The following PPME1 variants were observed in gnomAD, a reference collection of about 807,000 sequenced individuals.
PPME1 encodes the protein testicular secretory protein Li 39.
In PPME1, 17 loss-of-function variants were observed where a neutral mutation model predicts 56.9. That is an observed-to-expected ratio of 0.30 (90% CI 0.20 to 0.45). The LOEUF (loss-of-function observed/expected upper bound fraction) is 0.45, where lower values mean the gene tolerates loss of function less well. PPME1 is among the 20% of genes least tolerant of loss of function. The pLI is 1.00. For synonymous variants in PPME1, 122 were observed against 156.2 expected (o/e 0.78, Z 1.63); for missense variants, 357 against 483.2 (o/e 0.74, Z 2.45).
rs1284228092 is a variant in PPME1 at position 74,230,540 on chromosome 11, T to C, written c.553+141T>C. 6 of 1,056,556 alleles carry C rather than the reference T, an allele frequency of 5.7e-6. No individual in the cohort carries two copies. In the East Asian group the frequency reaches 1.3e-4, roughly 22 times the overall value. The allele number at this position is 1,056,556 out of a possible 1,614,324, so 65.4% of individuals were successfully genotyped here. A position where few individuals can be genotyped will look rare whatever the true frequency, so the allele number is the denominator to read the frequency against. On this transcript the variant is annotated intron_variant, in intron 6 of 13. Transcript: ENST00000328257. The surrounding 1 kb of genome is among the most constrained non-coding windows in gnomAD (Gnocchi z 4.9). ...TGTCTTTATATCTTTTTTAAGTTTA[T>C]ACAAGATAACCATTTTTCCATGTCA...
intron 1 of PPME1, among the ~76,000 whole-genome samples, chr11:74,190,526 A>G (rs1189876880): frequency 1.9e-4 from 29 of 152,254 alleles, no homozygotes. Flanking sequence ...TACAGCCTGC[A>G]GAACTCCAAG....
intron 1 of PPME1, among the ~76,000 whole-genome samples, chr11:74,194,804 C>G (rs996074316): frequency 2.6e-4 from 40 of 152,052 alleles, no homozygotes; most frequent in Non-Finnish European, 7.4e-5. Context: ...ATTAATGTCC[C>G]TTTCTCATGA....
chr11:74,190,098 CA>C (rs1008618696), intron 1 of PPME1, among the ~76,000 whole-genome samples: 1 of 152,188 alleles, frequency 6.6e-6, no homozygotes, highest in African/African-American at 2.4e-5. Flanking sequence ...ACTTTCAAGA[CA>C]AAAACCATTG....
chr11:74,205,069 G>C (rs572699411), intron 3 of PPME1: 1 of 152,352 alleles, frequency 6.6e-6, no homozygotes, highest in African/African-American at 2.4e-5. Context: ...TTCATTTTGT[G>C]TAGAGAACCA....
At chr11:74,239,796 G>A (rs1289838204) in intron 9 of PPME1, among the ~76,000 whole-genome samples, 2 of 151,556 alleles carry the variant, frequency 1.3e-5, no homozygotes, top group African/African-American at 4.8e-5. Context: ...TAGCCAGGAT[G>A]GTCTCAATCT....
chr11:74,252,679 A>G, intron 13 of PPME1: 1 of 368,560 alleles, frequency 2.7e-6, no homozygotes, highest in Admixed American at 3.0e-5. Flanking sequence ...TGATAACAGT[A>G]GTACCCCTCC....
At chr11:74,209,374 T>G (rs1164623873) in intron 3 of PPME1, among the ~76,000 whole-genome samples, 1 of 152,048 alleles carries the variant, frequency 6.6e-6, no homozygotes, top group Non-Finnish European at 1.5e-5. Context: ...AAGTGCTGGG[T>G]TTACAGGCAT....
At chr11:74,188,460 C>T (rs1472799478) in intron 1 of PPME1, among the ~76,000 whole-genome samples, 1 of 152,098 alleles carries the variant, frequency 6.6e-6, no homozygotes, top group Non-Finnish European at 1.5e-5. Context: ...GCTGGGATTA[C>T]AGGGGTGAGC....
Position 74,254,079 on chromosome 11 carries a change from A to G in PPME1, c.*569A>G, listed in dbSNP as rs1419102500. 4.6e-5 allele frequency: 7 copies of G among 153,568 alleles called. No homozygotes were observed. The highest frequency in any genetic ancestry group is 5.8e-5 in the Non-Finnish European group (4 of 68,786). The allele number at this position is 153,568 out of a possible 1,614,324, so 9.5% of individuals were successfully genotyped here. The stretch of plus-strand genomic sequence containing the variant: ...GCCATAGCGAGCGGTGGTGGTGGAT[A>G]GCATCACAAGAAACGAGCCTGAAAA... On this transcript the variant is annotated 3_prime_UTR_variant, in exon 14 of 14. Transcript: ENST00000328257.
At chr11:74,237,684 A>G (rs1204228807) in intron 8 of PPME1, 2 of 152,130 alleles carry the variant, frequency 1.3e-5, no homozygotes, top group Non-Finnish European at 2.9e-5. Context: ...TAAGATAAGT[A>G]TTGCTTTATA....
intron 3 of PPME1, among the ~76,000 whole-genome samples, chr11:74,221,236 C>A (rs1858793508): frequency 6.6e-6 from 1 of 152,056 alleles, no homozygotes; most frequent in African/African-American, 2.4e-5. Context: ...ACTATCTTTT[C>A]CACTTAATTT....
At chr11:74,172,341 A>G (rs889037333) in intron 1 of PPME1, among the ~76,000 whole-genome samples, 2 of 152,196 alleles carry the variant, frequency 1.3e-5, no homozygotes, top group African/African-American at 4.8e-5. Flanking sequence ...CAGAGTGACC[A>G]TAGGCTCTAA....
chr11:74,247,148 C>T (rs776462195), intron 11 of PPME1, 25 bp downstream of exon 11: 47 of 1,592,886 alleles, frequency 3.0e-5, no homozygotes, highest in Non-Finnish European at 3.9e-5. Context: ...AATTATACCC[C>T]TGGACCCTTT....
intron 3 of PPME1, 116 bp from the exon 4 acceptor site, chr11:74,222,196 G>T: frequency 1.3e-6 from 1 of 741,158 alleles, no homozygotes. Flanking sequence ...AAAGTCTTTT[G>T]ATTCTCTTGG....
At chr11:74,194,180 C>T (rs969878932) in intron 1 of PPME1, among the ~76,000 whole-genome samples, 3 of 151,840 alleles carry the variant, frequency 2.0e-5, no homozygotes, top group African/African-American at 7.3e-5. Context: ...TAAGACAGGC[C>T]TTTTTTTATT....
chr11:74,182,879 A>G (rs1215014767), intron 1 of PPME1, among the ~76,000 whole-genome samples: 2 of 152,206 alleles, frequency 1.3e-5, no homozygotes, highest in South Asian at 4.1e-4. Flanking sequence ...GGCTGAGGCC[A>G]GGCACCATGG....
At chr11:74,246,259 A>C in intron 10 of PPME1, 54 bp downstream of exon 10, 5 of 1,444,122 alleles carry the variant, frequency 3.5e-6, no homozygotes, top group Non-Finnish European at 4.6e-6. Flanking sequence ...ACCAAATATC[A>C]TAGACTGAGT....
intron 1 of PPME1, among the ~76,000 whole-genome samples, chr11:74,179,553 G>T (rs1287295926): frequency 6.6e-6 from 1 of 152,142 alleles, no homozygotes; most frequent in African/African-American, 2.4e-5. Context: ...ACCAAAAATG[G>T]CTCTGGGAAA....
intron 1 of PPME1, among the ~76,000 whole-genome samples, chr11:74,201,947 A>G (rs1858180885): frequency 6.6e-6 from 1 of 152,210 alleles, no homozygotes; most frequent in Non-Finnish European, 1.5e-5. Context: ...TTTCAAGTGC[A>G]ACCAGAAAAG....
Sources: allele counts gnomAD v4.1 joint callset (sites outside exome capture counted in the v4.1 genomes callset), GRCh38; gene constraint gnomAD v4.1.1; non-coding constraint Gnocchi (gnomAD v3.1); transcripts MANE v1.5; gene names NCBI Gene and HGNC (gene_info 2026-07-23, HGNC 2026-07-21).